Variants in WDR7 observed in about 807,000 individuals in gnomAD.
WDR7 encodes WD repeat domain 7.
A neutral mutation model predicts 169.4 loss-of-function variants in WDR7; 46 were observed. The ratio of observed to expected loss-of-function variants is 0.27; its 90% CI spans 0.21 to 0.35. The LOEUF (loss-of-function observed/expected upper bound fraction) is 0.35. WDR7 is among the 10% of genes least tolerant of loss of function. The pLI is 1.00. For synonymous variants in WDR7, 612 were observed against 666.8 expected (o/e 0.92, Z 1.27); for missense variants, 1,534 against 1,859.3 (o/e 0.83, Z 3.22).
intron 23 of WDR7, among the ~76,000 whole-genome samples, chr18:56,937,751 A>G (rs1178765913): frequency 6.6e-6 from 1 of 152,188 alleles, no homozygotes; most frequent in African/African-American, 2.4e-5. Context: ...TGATCCTCAA[A>G]CAGTAAGGGA....
intron 20 of WDR7, among the ~76,000 whole-genome samples, chr18:56,845,147 A>C (rs1333178142): frequency 6.6e-6 from 1 of 152,106 alleles, no homozygotes; most frequent in African/African-American, 2.4e-5. Flanking sequence ...ATTTGGTTGG[A>C]ATGAATTGAT....
intron 16 of WDR7, among the ~76,000 whole-genome samples, chr18:56,771,661 C>T (rs1235246185): frequency 6.7e-6 from 1 of 148,660 alleles, no homozygotes; most frequent in Non-Finnish European, 1.5e-5. Flanking sequence ...GTGGGCAGAT[C>T]ACCTGAGGTC....
At chr18:56,978,452 G>A (rs769762937) in intron 26 of WDR7, among the ~76,000 whole-genome samples, 11 of 152,118 alleles carry the variant, frequency 7.2e-5, no homozygotes, top group Non-Finnish European at 1.6e-4. Context: ...AAATAGTTTC[G>A]TCCAACATCC....
chr18:56,882,069 C>T (rs536277251), intron 21 of WDR7, among the ~76,000 whole-genome samples: 1 of 152,188 alleles, frequency 6.6e-6, no homozygotes, highest in African/African-American at 2.4e-5. Flanking sequence ...TCTCCCTCTA[C>T]GGCCAACAAC....
In WDR7 at chr18:56,695,107, T is replaced by C; in HGVS notation, c.1266T>C (p.Val422=). 1 of 1,614,120 alleles carries C rather than the reference T, an allele frequency of 6.2e-7. No homozygotes were observed. Among genetic ancestry groups the C allele is most frequent in the Non-Finnish European group, 8.5e-7 (1 of 1,180,004 alleles). The change falls in exon 11 of 28, where the codon GTT becomes GTC. Residue 422 remains valine, a synonymous_variant. Transcript: ENST00000254442. ...SVYIPAHGRL[V]CGREDGSIVI... ...ACATACCAGCACATGGACGACTTGT[T>C]TGTGGTCGTGAAGATGGAAGCATAG...
At chr18:56,663,246 T>C (rs572582542) in intron 1 of WDR7, among the ~76,000 whole-genome samples, 1 of 152,158 alleles carries the variant, frequency 6.6e-6, no homozygotes, top group Non-Finnish European at 1.5e-5. Flanking sequence ...CTTCAACATA[T>C]GCGTTTTGGG....
intron 25 of WDR7, among the ~76,000 whole-genome samples, chr18:56,948,066 TA>T (rs1206545467): frequency 6.6e-6 from 1 of 152,114 alleles, no homozygotes. Context: ...TTGTAAGTCA[TA>T]AGAGATTTTA....
intron 16 of WDR7, among the ~76,000 whole-genome samples, chr18:56,768,066 T>C (rs946374726): frequency 6.6e-6 from 1 of 152,230 alleles, no homozygotes; most frequent in South Asian, 2.1e-4. Flanking sequence ...GTAATCATAA[T>C]AGATGGAAAC....
chr18:56,835,513 G>T (rs2045382043), intron 20 of WDR7, among the ~76,000 whole-genome samples: 1 of 152,114 alleles, frequency 6.6e-6, no homozygotes, highest in Non-Finnish European at 1.5e-5. Flanking sequence ...TCATCATCAG[G>T]ATTTTCAGAG....
In WDR7 at chr18:56,667,111, G is replaced by A. The variant is rs186410460; in HGVS notation, c.-19-5386G>A. On this transcript the variant is annotated intron_variant, in intron 1 of 27. Coordinates refer to ENST00000254442, the MANE Select transcript of WDR7 (RefSeq NM_015285.3). Reference sequence around the variant, plus strand: ...ACTTTCTGAGTTACAATTTTTTAGAGACCAGATTCCTCTTTAGCGTCATTG... The same window carrying A: ...ACTTTCTGAGTTACAATTTTTTAGAAACCAGATTCCTCTTTAGCGTCATTG... 1.6e-4 allele frequency among the ~76,000 whole-genome samples: 24 copies of A among 152,134 alleles called. No individual in the cohort carries two copies. The East Asian group carries it at 3.5e-3, about 22-fold the overall frequency.
rs908285617 is a variant in WDR7 at position 56,981,930 on chromosome 18, T to C, written c.4164+19401T>C. On this transcript the variant is annotated intron_variant, in intron 26 of 27. Coordinates refer to ENST00000254442, the MANE Select transcript of WDR7 (RefSeq NM_015285.3). ...TACAGGAGAACAACTGACCCATGGT[T>C]TACCAAGGTAAAACCCTCAGTGATA... is the stretch of plus-strand genomic sequence containing the variant. Among the ~76,000 whole-genome samples the C allele has an allele frequency of 3.7e-4, 57 of 152,140 alleles. 2 individuals are homozygous for C. Among genetic ancestry groups the C allele is most frequent in the Non-Finnish European group, 1.0e-4 (7 of 68,014 alleles).
chr18:56,872,987 G>T (rs1378448872), intron 20 of WDR7, among the ~76,000 whole-genome samples: 1 of 152,106 alleles, frequency 6.6e-6, no homozygotes, highest in East Asian at 1.9e-4. Flanking sequence ...ATAATTTAAA[G>T]ATATTTCCAA....
At chr18:56,839,099 T>A (rs1242028512) in intron 20 of WDR7, among the ~76,000 whole-genome samples, 1 of 152,170 alleles carries the variant, frequency 6.6e-6, no homozygotes, top group East Asian at 1.9e-4. Flanking sequence ...GAAAGCCAGT[T>A]TGATTCAGCA....
At chr18:56,820,471 A>G (rs2045075530) in intron 20 of WDR7, among the ~76,000 whole-genome samples, 1 of 149,120 alleles carries the variant, frequency 6.7e-6, no homozygotes, top group Admixed American at 6.8e-5. Context: ...TTACTTTTTG[A>G]TGCATTTTTT....
chr18:56,733,488 T>C (rs188019568), intron 14 of WDR7, among the ~76,000 whole-genome samples: 10 of 152,316 alleles, frequency 6.6e-5, no homozygotes, highest in Non-Finnish European at 1.5e-4. Context: ...GGATCTAATT[T>C]TTTACATGAG....
At chr18:56,700,258 T>C (rs1200829770) in intron 12 of WDR7, among the ~76,000 whole-genome samples, 7 of 123,590 alleles carry the variant, frequency 5.7e-5, no homozygotes, top group African/African-American at 2.1e-4. Context: ...TTTTCTTTTT[T>C]TTTTTTTTTT....
intron 20 of WDR7, among the ~76,000 whole-genome samples, chr18:56,840,017 G>A (rs1216935899): frequency 7.2e-5 from 11 of 152,142 alleles, no homozygotes; most frequent in African/African-American, 1.4e-4. Flanking sequence ...AGCCAAGATC[G>A]CGCCACTGCA....
chr18:56,829,194 C>A (rs1354170163), intron 20 of WDR7, among the ~76,000 whole-genome samples: 2 of 150,170 alleles, frequency 1.3e-5, no homozygotes, highest in Non-Finnish European at 3.0e-5. Flanking sequence ...GAGGCTGAGA[C>A]AAAATGATCA....
Position 56,878,741 on chromosome 18 carries a change from A to AACC in WDR7, c.3305-1200_3305-1198dup, listed in dbSNP as rs552829791. Among the ~76,000 whole-genome samples the AACC allele has an allele frequency of 1.4e-3, 213 of 152,288 alleles. 1 individual carries two copies. Among genetic ancestry groups the AACC allele is most frequent in the African/African-American group, 5.0e-3 (206 of 41,566 alleles). Reference sequence around the variant, plus strand: ...TAACCATTTTACCCCCACTCCAGCCAACCACTAATCTGCTTTCTGTCTCTA... The same window carrying AACC: ...TAACCATTTTACCCCCACTCCAGCCAACCACCACTAATCTGCTTTCTGTCTCTA... On this transcript the variant is annotated intron_variant, in intron 20 of 27. Coordinates refer to ENST00000254442, the MANE Select transcript of WDR7 (RefSeq NM_015285.3).
Sources: allele counts gnomAD v4.1 joint callset (sites outside exome capture counted in the v4.1 genomes callset), GRCh38; gene constraint gnomAD v4.1.1; transcripts MANE v1.5; gene names NCBI Gene and HGNC (gene_info 2026-07-23, HGNC 2026-07-21).